DNMT1: variants seen among roughly 807,000 people sequenced by gnomAD.
The protein encoded by DNMT1 is DNA (cytosine-5)-methyltransferase 1.
Under a neutral mutation model 205.3 loss-of-function variants are expected in DNMT1, and 24 were observed. The ratio of observed to expected loss-of-function variants is 0.12; its 90% CI spans 0.08 to 0.16. The LOEUF (loss-of-function observed/expected upper bound fraction) is 0.16. Ranked by LOEUF, DNMT1 falls within the 10% of genes least tolerant of loss-of-function variation. The pLI is 1.00. For missense variants in DNMT1, 1,293 were observed against 2,177.7 expected, an observed-to-expected ratio of 0.59 and a Z score of 8.09; for synonymous variants, 817 against 839.8, an observed-to-expected ratio of 0.97 and a Z score of 0.47.
At chr19:10,157,738 C>T (rs529650364) in intron 17 of DNMT1, among the ~76,000 whole-genome samples, 1 of 152,342 alleles carries the variant, frequency 6.6e-6, no homozygotes, top group South Asian at 2.1e-4. Context: ...GAATAGGTTG[C>T]AGCCCTGCCT....
rs1200686172 is a variant in DNMT1, at chr19:10,162,660, C to A, written c.1008+7G>T. On this transcript the variant is annotated splice_region_variant and intron_variant, in intron 13 of 40. Transcript: ENST00000359526. Reference sequence around the variant, plus strand: ...AAAAAAGAAAGAAAGAAAAGTGAGACCTTTACCTTTTCATCCTCGTCTTTT... The same window carrying A: ...AAAAAAGAAAGAAAGAAAAGTGAGAACTTTACCTTTTCATCCTCGTCTTTT... 6 of 1,607,706 alleles carry A rather than the reference C, an allele frequency of 3.7e-6. No individual in the cohort carries two copies. The highest frequency in any genetic ancestry group is 4.3e-6 in the Non-Finnish European group (5 of 1,175,732).
chr19:10,134,354 A>T, intron 39 of DNMT1, 47 bp from the exon 40 acceptor site: 1 of 1,570,720 alleles, frequency 6.4e-7, no homozygotes, highest in Non-Finnish European at 8.7e-7. Context: ...ACCCAGGCCC[A>T]AGGCCCGGGG....
At chr19:10,176,355 A>G (rs2038938219) in intron 6 of DNMT1, among the ~76,000 whole-genome samples, 1 of 152,214 alleles carries the variant, frequency 6.6e-6, no homozygotes, top group African/African-American at 2.4e-5. Flanking sequence ...TAAGAGATGA[A>G]GGAATTTAAA....
chr19:10,150,118 T>C, intron 24 of DNMT1, 150 bp from the exon 25 acceptor site: 1 of 737,988 alleles, frequency 1.4e-6, no homozygotes, highest in Non-Finnish European at 2.4e-6. Flanking sequence ...CATCCTGTTC[T>C]ACAAGGGCTT....
intron 34 of DNMT1, among the ~76,000 whole-genome samples, chr19:10,139,123 T>C (rs1250008394): frequency 6.6e-6 from 1 of 152,184 alleles, no homozygotes; most frequent in Non-Finnish European, 1.5e-5. Flanking sequence ...GCTGAGCTGA[T>C]ACAGAGAGGA....
chr19:10,135,470 G>A, intron 39 of DNMT1: 1 of 513,752 alleles, frequency 1.9e-6, no homozygotes, highest in Non-Finnish European at 3.6e-6. Flanking sequence ...ATGGGTTTTA[G>A]CCTGCTCCTT....
chr19:10,153,169 C>T (rs1485657115), intron 22 of DNMT1, among the ~76,000 whole-genome samples: 1 of 152,164 alleles, frequency 6.6e-6, no homozygotes, highest in Admixed American at 6.6e-5. Context: ...TAAGCAGATA[C>T]ACTCGCGAGA....
At position 10,143,888 on chromosome 19, in the gene DNMT1, G is replaced by A. The variant is rs2145276169; in HGVS notation, c.2994C>T (p.Gly998=). 1.9e-6 allele frequency: 3 copies of A among 1,614,162 alleles called. No homozygotes were observed. The highest frequency in any genetic ancestry group is 2.5e-6 in the Non-Finnish European group (3 of 1,180,038). ...HYRKYSDYIK[G]SNLDAPEPYR... ...AGGGCTCAGGGGCATCCAGGTTGCT[G>A]CCTTTGATGTAGTCGGAGTATTTCC... The change falls in exon 29 of 41, where the codon GGC becomes GGT. Residue 998 remains glycine, a synonymous_variant. Transcript: ENST00000359526.
In DNMT1 at chr19:10,133,542, G is replaced by T; in HGVS notation, c.*125C>A. 1 of 1,124,088 alleles carries T rather than the reference G, an allele frequency of 8.9e-7. No homozygotes were observed. The highest frequency in any genetic ancestry group is 1.3e-6 in the Non-Finnish European group (1 of 762,792). The allele number at this position is 1,124,088 out of a possible 1,614,324, so 69.6% of individuals were successfully genotyped here. A position where few individuals can be genotyped will look rare whatever the true frequency, so the allele number is the denominator to read the frequency against. ...AGCGAACCTCACACAACAGCTTCATGTCAGCCAAGGCCACAAACACCATGT... is the reference window on the plus strand; with the variant it reads ...AGCGAACCTCACACAACAGCTTCATTTCAGCCAAGGCCACAAACACCATGT... On this transcript the variant is annotated 3_prime_UTR_variant, in exon 41 of 41. Transcript: ENST00000359526. This position sits in a 1 kb window ranked among gnomAD's most constrained non-coding sequence, Gnocchi z 4.1.
intron 9 of DNMT1, among the ~76,000 whole-genome samples, chr19:10,171,964 A>AG (rs2038828182): frequency 6.6e-6 from 1 of 151,478 alleles, no homozygotes; most frequent in African/African-American, 2.4e-5. Context: ...CCAAGATCGC[A>AG]CCTCTGCACT....
chr19:10,136,003 C>A (rs1292179925), intron 38 of DNMT1, 118 bp downstream of exon 38: 3 of 1,521,658 alleles, frequency 2.0e-6, no homozygotes, highest in African/African-American at 2.7e-5. Flanking sequence ...GAGGCAGAGG[C>A]CAGGTGCCTG....
At position 10,185,347 on chromosome 19, in the gene DNMT1, C is replaced by T. The variant is rs554097670; in HGVS notation, c.81-3270G>A. 1.5e-3 allele frequency among the ~76,000 whole-genome samples: 222 copies of T among 151,866 alleles called. 1 individual carries two copies. The highest frequency in any genetic ancestry group is 5.1e-3 in the African/African-American group (212 of 41,420). ...GGCTGAGGCAGAAGAATGGCGTGAA[C>T]CCGGGAGGTGAAGCTTGCAGTGAGC... On this transcript the variant is annotated intron_variant, in intron 1 of 40. Transcript: ENST00000359526.
At chr19:10,155,970 T>C (rs757642371) in intron 18 of DNMT1, 25 bp from the exon 19 acceptor site, 1 of 1,606,104 alleles carries the variant, frequency 6.2e-7, no homozygotes, top group South Asian at 1.1e-5. Flanking sequence ...GGAAATGGAC[T>C]AAAGGCTCTG....
chr19:10,162,964 CTTTTTTT>C (rs397859775), intron 12 of DNMT1: 18 of 352,786 alleles, frequency 5.1e-5, no homozygotes, highest in Non-Finnish European at 6.4e-5. Context: ...CTAGAACAGG[CTTTTTTT>C]TTTTTTTTTT....
chr19:10,194,914 C>G lies in DNMT1; in HGVS notation c.-15G>C, dbSNP rs558926359. On this transcript the variant is annotated 5_prime_UTR_variant, in exon 1 of 41. Transcript: ENST00000359526. ...CGCGCCGGCATCTCGGAGGCTTCAG[C>G]AGACGCGGCGGCGGCAGCGCAGGCG... The G allele has an allele frequency of 4.2e-4, 676 of 1,601,228 alleles. 12 individuals are homozygous for G. The South Asian group carries it at 7.1e-3, about 17-fold the overall frequency.
intron 19 of DNMT1, among the ~76,000 whole-genome samples, chr19:10,155,373 C>T (rs983551054): frequency 9.9e-5 from 15 of 151,604 alleles, no homozygotes; most frequent in Admixed American, 2.6e-4. Flanking sequence ...AGTCTTGCTC[C>T]GTCACCCAGG....
At chr19:10,191,163 C>T (rs1238759006) in intron 1 of DNMT1, among the ~76,000 whole-genome samples, 1 of 151,702 alleles carries the variant, frequency 6.6e-6, no homozygotes, top group Non-Finnish European at 1.5e-5. Flanking sequence ...CACCTGTAAT[C>T]CCAGCTACTT....
intron 34 of DNMT1, 79 bp downstream of exon 34, chr19:10,139,597 C>G: frequency 3.2e-6 from 5 of 1,559,994 alleles, no homozygotes; most frequent in Non-Finnish European, 4.3e-6. Flanking sequence ...TGAACCCTGC[C>G]TTCAGTAAGG....
At position 10,163,342 on chromosome 19, in the gene DNMT1, T is replaced by G. The variant is rs1599376406; in HGVS notation, c.910A>C (p.Ser304Arg). Residue 304 changes from serine (S) to arginine (R), a missense_variant, in exon 12 of 41, where the codon AGT becomes CGT. By Grantham distance (110) the Ser-to-Arg change is moderately radical. Transcript: ENST00000359526. ...GDEKDEKKHR[S>R]QPKDLAAKRR... The stretch of plus-strand genomic sequence containing the variant: ...AACACTTACAGATCTTTGGGTTGAC[T>G]TCTGTGCTTCTTCTCATCCTGACAG... 6.2e-7 allele frequency: 1 copy of G among 1,614,040 alleles called. No individual in the cohort carries two copies. Among genetic ancestry groups the G allele is most frequent in the East Asian group, 2.2e-5 (1 of 44,884 alleles).
Sources: gnomAD v4.1 joint callset for allele counts (sites outside exome capture counted in the v4.1 genomes callset) on GRCh38, gnomAD v4.1.1 for gene constraint, Gnocchi (gnomAD v3.1) non-coding constraint, MANE v1.5 for transcripts, NCBI Gene and HGNC (gene_info 2026-07-23, HGNC 2026-07-21) for gene names.